Variants in DNER observed in about 807,000 individuals in gnomAD.
DNER encodes the protein delta/notch like EGF repeat containing, also known as delta and Notch-like epidermal growth factor-related receptor.
DNER carries 33 observed loss-of-function variants against 78.2 expected under a neutral mutation model. The observed-to-expected ratio is 0.42, with a 90% CI of 0.32 to 0.56. The LOEUF is 0.56. DNER is among the 20% of genes least tolerant of loss of function. The pLI is 0.11. For synonymous variants in DNER, 417 were observed against 384.8 expected, an observed-to-expected ratio of 1.08 and a Z score of -0.98; for missense variants, 918 against 975.3, an observed-to-expected ratio of 0.94 and a Z score of 0.78.
intron 9 of DNER, among the ~76,000 whole-genome samples, chr2:229,412,687 G>A (rs570076456): frequency 1.4e-4 from 22 of 152,260 alleles, no homozygotes; most frequent in Non-Finnish European, 2.6e-4. Flanking sequence ...GGAGACCCAC[G>A]TCATTCATGG....
At chr2:229,636,659 C>A (rs887318555) in intron 1 of DNER, among the ~76,000 whole-genome samples, 2 of 152,208 alleles carry the variant, frequency 1.3e-5, no homozygotes, top group African/African-American at 4.8e-5. Context: ...CATGTTGCAT[C>A]AGTACAGCTA....
At chr2:229,614,479 C>A (rs780927658) in intron 1 of DNER, among the ~76,000 whole-genome samples, 5 of 152,208 alleles carry the variant, frequency 3.3e-5, no homozygotes, top group Non-Finnish European at 5.9e-5. Flanking sequence ...TAGCTCCAAG[C>A]CCAGTCTCCT....
At chr2:229,575,026 G>A (rs992055204) in intron 4 of DNER, among the ~76,000 whole-genome samples, 2 of 151,898 alleles carry the variant, frequency 1.3e-5, no homozygotes, top group African/African-American at 2.4e-5. Flanking sequence ...ACAAGATTTC[G>A]GTTAAAATTC....
At chr2:229,604,959 C>T (rs1038092858) in intron 1 of DNER, among the ~76,000 whole-genome samples, 4 of 152,066 alleles carry the variant, frequency 2.6e-5, no homozygotes, top group Non-Finnish European at 5.9e-5. Flanking sequence ...GAGCCAAAGA[C>T]CCACAAATTG....
chr2:229,387,863 C>CTG (rs34029070), intron 11 of DNER, among the ~76,000 whole-genome samples: 1,361 of 120,634 alleles, frequency 0.011, 18 homozygotes, highest in Middle Eastern at 0.031. Context: ...AATTTGCATT[C>CTG]TGTGTGTGTG....
intron 5 of DNER, among the ~76,000 whole-genome samples, chr2:229,542,863 A>T (rs554068088): frequency 1.2e-4 from 19 of 152,052 alleles, no homozygotes; most frequent in Admixed American, 1.0e-3. Flanking sequence ...CTCCAACTTA[A>T]CAGTGTGCGC....
In DNER at chr2:229,361,269, T is replaced by A. The variant is rs143557167; in HGVS notation, c.2103-2618A>T. On this transcript the variant is annotated intron_variant, in intron 12 of 12. Transcript: ENST00000341772. ...TAAATCAATGTCAGAGGCTGTTTAT[T>A]TTATTGCAGGCATTTTCATGCAAGT... is the stretch of plus-strand genomic sequence containing the variant. 2.5e-3 allele frequency among the ~76,000 whole-genome samples: 380 copies of A among 152,270 alleles called. 3 individuals are homozygous for A. The highest frequency in any genetic ancestry group is 4.7e-3 in the Non-Finnish European group (318 of 68,026).
chr2:229,644,080 G>A (rs1362784945), intron 1 of DNER, among the ~76,000 whole-genome samples: 1 of 152,054 alleles, frequency 6.6e-6, no homozygotes, highest in Non-Finnish European at 1.5e-5. Context: ...GCCAGCCCAG[G>A]GATCAGCCCT....
At chr2:229,492,593 C>T (rs1695424595) in intron 6 of DNER, among the ~76,000 whole-genome samples, 4 of 152,190 alleles carry the variant, frequency 2.6e-5, no homozygotes, top group South Asian at 4.1e-4. Context: ...CTTATGGAGT[C>T]AATATTGCTT....
chr2:229,612,956 A>G (rs1698076588), intron 1 of DNER, among the ~76,000 whole-genome samples: 1 of 152,234 alleles, frequency 6.6e-6, no homozygotes, highest in Non-Finnish European at 1.5e-5. Flanking sequence ...TGCATATTTC[A>G]GGCAAATGTA....
intron 1 of DNER, among the ~76,000 whole-genome samples, chr2:229,683,526 G>A (rs1476964655): frequency 6.6e-6 from 1 of 151,848 alleles, no homozygotes; most frequent in African/African-American, 2.4e-5. Context: ...ACATTTTCCT[G>A]AAGAAAAAAA....
chr2:229,637,075 G>A (rs1187834000), intron 1 of DNER, among the ~76,000 whole-genome samples: 1 of 152,100 alleles, frequency 6.6e-6, no homozygotes, highest in Non-Finnish European at 1.5e-5. Context: ...ACAGGTTTGG[G>A]TCCATCTGTT....
chr2:229,515,879 T>A (rs1342430449), intron 5 of DNER, among the ~76,000 whole-genome samples: 1 of 152,098 alleles, frequency 6.6e-6, no homozygotes, highest in African/African-American at 2.4e-5. Flanking sequence ...GACCTCAGGG[T>A]GATCCTCCCG....
intron 1 of DNER, among the ~76,000 whole-genome samples, chr2:229,679,938 G>T (rs1303998523): frequency 2.0e-5 from 3 of 152,132 alleles, no homozygotes; most frequent in Non-Finnish European, 4.4e-5. Context: ...AGAGGGACAT[G>T]GTGTGTAAGT....
chr2:229,651,787 C>T (rs1484733911), intron 1 of DNER, among the ~76,000 whole-genome samples: 1 of 152,142 alleles, frequency 6.6e-6, no homozygotes, highest in African/African-American at 2.4e-5. Context: ...CATGAGGAAG[C>T]AACTAGCAAT....
intron 1 of DNER, among the ~76,000 whole-genome samples, chr2:229,704,655 G>A (rs1699797817): frequency 6.6e-6 from 1 of 152,198 alleles, no homozygotes; most frequent in African/African-American, 2.4e-5. Context: ...GTGGCTGCCA[G>A]GGACTGGGGC....
At chr2:229,565,043 C>A (rs1031978286) in intron 4 of DNER, among the ~76,000 whole-genome samples, 2 of 152,152 alleles carry the variant, frequency 1.3e-5, no homozygotes, top group African/African-American at 4.8e-5. Context: ...GTGACCTCAT[C>A]ACCTCTCAAA....
chr2:229,421,758 A>G (rs1430415622), intron 8 of DNER, among the ~76,000 whole-genome samples: 1 of 151,896 alleles, frequency 6.6e-6, no homozygotes, highest in Non-Finnish European at 1.5e-5. Flanking sequence ...AAGCTTTTTG[A>G]GGTCATTGTG....
chr2:229,432,933 T>C (rs1376651013), intron 8 of DNER, among the ~76,000 whole-genome samples: 1 of 151,872 alleles, frequency 6.6e-6, no homozygotes, highest in African/African-American at 2.4e-5. Context: ...TTGTGTTTTG[T>C]TGTTGTTGTT....
Sources: allele counts gnomAD v4.1 joint callset (sites outside exome capture counted in the v4.1 genomes callset), GRCh38; gene constraint gnomAD v4.1.1; transcripts MANE v1.5; gene names NCBI Gene and HGNC (gene_info 2026-07-23, HGNC 2026-07-21).